TEKT1: variants seen among roughly 807,000 people sequenced by gnomAD.
The protein encoded by TEKT1 is tektin-1.
A neutral mutation model predicts 34.8 loss-of-function variants in TEKT1; 32 were observed. That is an observed-to-expected ratio of 0.92 (90% CI 0.69 to 1.23). The LOEUF is 1.23. Among genes scored for constraint, TEKT1 ranks in the 50% most tolerant of loss-of-function variants. The pLI, the probability that TEKT1 is intolerant of heterozygous loss-of-function variation, is 0.00. For missense variants in TEKT1, 492 were observed against 518.5 expected (o/e 0.95, Z 0.50); for synonymous variants, 207 against 199.8 (o/e 1.04, Z -0.30).
intron 2 of TEKT1, among the ~76,000 whole-genome samples, chr17:6,828,925 C>G (rs978337280): frequency 6.6e-6 from 1 of 151,768 alleles, no homozygotes; most frequent in South Asian, 2.1e-4. Flanking sequence ...CTGAGGCGGG[C>G]GGACCACCTG....
intron 7 of TEKT1, 130 bp from the exon 8 acceptor site, chr17:6,800,364 T>C: frequency 2.8e-6 from 2 of 713,820 alleles, no homozygotes; most frequent in Non-Finnish European, 4.5e-6. Context: ...TCTCTCCTCA[T>C]GAAGACAGAG....
chr17:6,801,256 TGGTACAG>T (rs761629795), intron 6 of TEKT1, among the ~76,000 whole-genome samples: 36 of 152,332 alleles, frequency 2.4e-4, no homozygotes, highest in Admixed American at 3.3e-4. Context: ...CTGCTCACCT[TGGTACAG>T]GGTACCTTTG....
chr17:6,817,023 C>A (rs1366965193), intron 3 of TEKT1, among the ~76,000 whole-genome samples: 1 of 148,420 alleles, frequency 6.7e-6, no homozygotes, highest in African/African-American at 2.4e-5. Context: ...ATAATAAATT[C>A]AAAGACTTGT....
rs188877819 is a variant in TEKT1 at position 6,808,691 on chromosome 17, A to T, written c.852+4140T>A. On this transcript the variant is annotated intron_variant, in intron 6 of 7. Coordinates refer to ENST00000338694, the MANE Select transcript of TEKT1 (RefSeq NM_053285.2). ...GTCAATCTAACAAATTAGTAAAAAAAGATGATGCTTTAAATTTTCTTAAAT... is the reference window on the plus strand; with the variant it reads ...GTCAATCTAACAAATTAGTAAAAAATGATGATGCTTTAAATTTTCTTAAAT... 2.0e-5 allele frequency among the ~76,000 whole-genome samples: 3 copies of T among 152,360 alleles called. No homozygotes were observed. In the East Asian group the frequency reaches 5.8e-4, roughly 29 times the overall value.
Position 6,822,861 on chromosome 17 carries a change from C to T in TEKT1, c.191-3503G>A, listed in dbSNP as rs535550126. 3.9e-5 allele frequency among the ~76,000 whole-genome samples: 6 copies of T among 152,332 alleles called. No homozygotes were observed. In the South Asian group the frequency reaches 1.0e-3, roughly 26 times the overall value. ...GATGCTAAAGTGCTACCTGGAAATG[C>T]TGTCTAGAGGGACAGTGCTTGTCAA... is the stretch of plus-strand genomic sequence containing the variant. On this transcript the variant is annotated intron_variant, in intron 2 of 7. Transcript: ENST00000338694.
chr17:6,814,783 A>T (rs1976980252), intron 5 of TEKT1, among the ~76,000 whole-genome samples: 1 of 150,084 alleles, frequency 6.7e-6, no homozygotes, highest in Admixed American at 6.7e-5. Flanking sequence ...GCTTGCAGTG[A>T]GGTGAGATCG....
intron 2 of TEKT1, among the ~76,000 whole-genome samples, chr17:6,823,962 A>T (rs1452542684): frequency 6.6e-6 from 1 of 151,716 alleles, no homozygotes; most frequent in East Asian, 1.9e-4. Context: ...AGCTGGGACT[A>T]CAGGTGCCCA....
At chr17:6,808,278 A>G (rs950537596) in intron 6 of TEKT1, among the ~76,000 whole-genome samples, 2 of 152,218 alleles carry the variant, frequency 1.3e-5, no homozygotes, top group African/African-American at 4.8e-5. Flanking sequence ...TGTGCGGGAT[A>G]TAATCTCCTG....
chr17:6,826,015 T>C (rs567641872), intron 2 of TEKT1, among the ~76,000 whole-genome samples: 1 of 152,378 alleles, frequency 6.6e-6, no homozygotes, highest in Admixed American at 6.5e-5. Flanking sequence ...TAGTCAATAC[T>C]GCCAAAGCTT....
chr17:6,801,475 T>G (rs769035950), intron 6 of TEKT1, among the ~76,000 whole-genome samples: 6 of 152,118 alleles, frequency 3.9e-5, no homozygotes, highest in Non-Finnish European at 8.8e-5. Context: ...TTTGGGAGGC[T>G]GAGGAGGGAA....
At chr17:6,807,475 G>A (rs1976862715) in intron 6 of TEKT1, among the ~76,000 whole-genome samples, 1 of 152,200 alleles carries the variant, frequency 6.6e-6, no homozygotes, top group Non-Finnish European at 1.5e-5. Context: ...ACTTGTCAAA[G>A]TCATTCTCCA....
intron 6 of TEKT1, among the ~76,000 whole-genome samples, chr17:6,805,071 C>A (rs541664176): frequency 6.6e-6 from 1 of 152,214 alleles, no homozygotes; most frequent in Non-Finnish European, 1.5e-5. Context: ...TGGTAGAATT[C>A]GGCTGGGAAT....
chr17:6,802,534 A>C (rs1976789058), intron 6 of TEKT1, among the ~76,000 whole-genome samples: 1 of 151,296 alleles, frequency 6.6e-6, no homozygotes, highest in African/African-American at 2.4e-5. Context: ...CACAACGTGC[A>C]GGTTTGTTAC....
rs377548974 is a variant in TEKT1 at position 6,825,327 on chromosome 17, G to A, written c.190+4860C>T. 4.6e-5 allele frequency among the ~76,000 whole-genome samples: 7 copies of A among 152,140 alleles called. No homozygotes were observed. In the East Asian group the frequency reaches 5.8e-4, roughly 13 times the overall value. On this transcript the variant is annotated intron_variant, in intron 2 of 7. Transcript: ENST00000338694. ...GATGTGCCCTCTCCTCCAATCTGACGGTGCTTTATTGGTGCCTCTTATGGG... is the reference window on the plus strand; with the variant it reads ...GATGTGCCCTCTCCTCCAATCTGACAGTGCTTTATTGGTGCCTCTTATGGG...
chr17:6,823,891 C>T (rs924058559), intron 2 of TEKT1, among the ~76,000 whole-genome samples: 3 of 144,010 alleles, frequency 2.1e-5, no homozygotes, highest in South Asian at 4.4e-4. Flanking sequence ...GGCGCTATCT[C>T]GGCTCACTGC....
chr17:6,813,946 T>TTCTCTCTCTCTC (rs71157224), intron 5 of TEKT1, among the ~76,000 whole-genome samples: 2,102 of 145,914 alleles, frequency 0.014, 58 homozygotes, highest in African/African-American at 0.041. Flanking sequence ...CTGTCATCCG[T>TTCTCTCTCTCTC]TCTCTCTCTC....
In TEKT1 at chr17:6,830,268, G is replaced by A; in HGVS notation, c.109C>T (p.Leu37=). 1 of 1,613,498 alleles carries A rather than the reference G, an allele frequency of 6.2e-7. No individual in the cohort carries two copies. The highest frequency in any genetic ancestry group is 1.1e-5 in the South Asian group (1 of 90,880). ...ACAAGCCTCTGGCTTTCTGCGACCA[G>A]GCGTTCTGATCGGGACCTTTGAGCG... ...ADAQRSRSER[L]VAESQRLVDE... Residue 37 remains leucine (L), a synonymous_variant, in exon 2 of 8, where the codon CTG becomes TTG. Coordinates refer to ENST00000338694, the MANE Select transcript of TEKT1 (RefSeq NM_053285.2).
chr17:6,805,207 C>T (rs1976827126), intron 6 of TEKT1, among the ~76,000 whole-genome samples: 1 of 152,050 alleles, frequency 6.6e-6, no homozygotes, highest in African/African-American at 2.4e-5. Flanking sequence ...GTTTATGTGT[C>T]GAGGAGTTTA....
Position 6,815,719 on chromosome 17 carries a change from G to A in TEKT1, c.485+115C>T, listed in dbSNP as rs1976996062. 11 of 1,462,894 alleles carry A rather than the reference G, an allele frequency of 7.5e-6. No homozygotes were observed. In the South Asian group the frequency reaches 1.5e-4, roughly 20 times the overall value. 90.6% of individuals were successfully genotyped at this position (1,462,894 alleles called of 1,614,324 possible). Reference sequence around the variant, plus strand: ...CTGGGGCAATCTGGGGACACAAAGTGGGAGCGGGAATGTTGAACCCCTTTC... The same window carrying A: ...CTGGGGCAATCTGGGGACACAAAGTAGGAGCGGGAATGTTGAACCCCTTTC... On this transcript the variant is annotated intron_variant, in intron 4 of 7. Coordinates refer to ENST00000338694, the MANE Select transcript of TEKT1 (RefSeq NM_053285.2).
Sources: gnomAD v4.1 joint callset for allele counts (sites outside exome capture counted in the v4.1 genomes callset) on GRCh38, gnomAD v4.1.1 for gene constraint, MANE v1.5 for transcripts, NCBI Gene and HGNC (gene_info 2026-07-23, HGNC 2026-07-21) for gene names.